The following VPS13D variants were observed in gnomAD, a reference collection of about 807,000 sequenced individuals.
The protein encoded by VPS13D is intermembrane lipid transfer protein VPS13D.
A neutral mutation model predicts 461.9 loss-of-function variants in VPS13D; 187 were observed. The ratio of observed to expected loss-of-function variants is 0.40; its 90% confidence interval spans 0.36 to 0.46. The LOEUF is 0.46. Among genes scored for constraint, VPS13D ranks in the 20% least tolerant of loss-of-function variants. The pLI, the probability that VPS13D is intolerant of heterozygous loss-of-function variation, is 0.60. For synonymous variants in VPS13D, 1,951 were observed against 1,986.3 expected (o/e 0.98, Z 0.47); for missense variants, 4,711 against 5,364.9 (o/e 0.88, Z 3.81).
intron 65 of VPS13D, among the ~76,000 whole-genome samples, chr1:12,430,531 C>T (rs1187785184): frequency 1.3e-5 from 2 of 152,218 alleles, no homozygotes; most frequent in African/African-American, 4.8e-5. Context: ...GTATGATTAT[C>T]ATTTCCCTTC....
chr1:12,506,113 G>A (rs748635927), intron 68 of VPS13D, among the ~76,000 whole-genome samples: 4 of 152,196 alleles, frequency 2.6e-5, no homozygotes, highest in African/African-American at 4.8e-5. Flanking sequence ...AAGATGCAGG[G>A]GAGGCAGCCA....
In VPS13D at chr1:12,507,052, A is replaced by C; in HGVS notation, c.12994A>C (p.Ser4332Arg). The stretch of plus-strand genomic sequence containing the variant: ...GACCAAGAAAGCCGTGAGCACGAGC[A>C]GTGGAGTGTCCATCCCCGGCCCCTC... ...QVTKKAVSTS[S>R]GVSIPGPSHQ... The change falls in exon 69 of 70, where the codon AGT becomes CGT. Residue 4332 changes from serine to arginine, a missense_variant. Ser to Arg is a moderately radical substitution (Grantham distance 110). Coordinates refer to ENST00000620676, the MANE Select transcript of VPS13D (RefSeq NM_015378.4). This position sits in a 1 kb window ranked among gnomAD's most constrained non-coding sequence, Gnocchi z 5.3. 6.2e-7 allele frequency: 1 copy of C among 1,614,264 alleles called. No homozygotes were observed. The highest frequency in any genetic ancestry group is 1.1e-5 in the South Asian group (1 of 91,088).
At chr1:12,397,044 C>T (rs1180011888) in intron 60 of VPS13D, among the ~76,000 whole-genome samples, 1 of 152,164 alleles carries the variant, frequency 6.6e-6, no homozygotes, top group Non-Finnish European at 1.5e-5. Context: ...AGTGATCCTC[C>T]AGCTTCAGCC....
intron 65 of VPS13D, among the ~76,000 whole-genome samples, chr1:12,439,123 A>G (rs1203235793): frequency 6.6e-6 from 1 of 152,166 alleles, no homozygotes; most frequent in Non-Finnish European, 1.5e-5. Context: ...TTGGTCACCC[A>G]GCCCCTCCAG....
intron 42 of VPS13D, 109 bp downstream of exon 42, chr1:12,343,160 T>A: frequency 1.1e-6 from 1 of 910,076 alleles, no homozygotes; most frequent in Middle Eastern, 4.0e-4. Context: ...TTTTATTTTA[T>A]TTTATCTTAT....
intron 63 of VPS13D, among the ~76,000 whole-genome samples, chr1:12,409,575 A>G (rs1046028211): frequency 1.3e-5 from 2 of 152,360 alleles, no homozygotes; most frequent in Middle Eastern, 3.4e-3. Context: ...TTATGTAAGG[A>G]TAAATTCCAA....
intron 52 of VPS13D, among the ~76,000 whole-genome samples, chr1:12,367,887 G>A (rs574701703): frequency 3.3e-5 from 5 of 152,114 alleles, no homozygotes; most frequent in African/African-American, 4.8e-5. Flanking sequence ...GATTACAGGC[G>A]TGAGCCACCA....
At chr1:12,375,610 G>A (rs1570038447) in intron 55 of VPS13D, among the ~76,000 whole-genome samples, 1 of 152,288 alleles carries the variant, frequency 6.6e-6, no homozygotes, top group South Asian at 2.1e-4. Context: ...CCCATGTCCT[G>A]TATGAACACC....
intron 65 of VPS13D, among the ~76,000 whole-genome samples, chr1:12,429,300 T>C (rs1008334487): frequency 1.8e-4 from 28 of 152,284 alleles, no homozygotes; most frequent in South Asian, 6.2e-4. Flanking sequence ...CTTTTTTTTT[T>C]TCTCTTTTTG....
chr1:12,270,627 A>G (rs975143670), intron 16 of VPS13D, among the ~76,000 whole-genome samples: 11 of 151,792 alleles, frequency 7.2e-5, no homozygotes, highest in Non-Finnish European at 2.9e-5. Flanking sequence ...CTCTCCCCCC[A>G]TGGCTGTCCA....
At chr1:12,376,614 T>A (rs1410289859) in intron 55 of VPS13D, among the ~76,000 whole-genome samples, 1 of 152,192 alleles carries the variant, frequency 6.6e-6, no homozygotes, top group Non-Finnish European at 1.5e-5. Context: ...GCTTGTAAAT[T>A]GTGTAGCTGG....
intron 67 of VPS13D, 91 bp from the exon 68 acceptor site, chr1:12,497,409 T>C: frequency 6.9e-7 from 1 of 1,452,262 alleles, no homozygotes; most frequent in South Asian, 1.3e-5. Flanking sequence ...GTATGTCTCG[T>C]ATTACAGAGT....
intron 61 of VPS13D, among the ~76,000 whole-genome samples, chr1:12,401,323 T>C (rs1416215932): frequency 2.0e-5 from 3 of 152,152 alleles, no homozygotes; most frequent in Non-Finnish European, 4.4e-5. Context: ...GCACACACCA[T>C]AAAGTTCATC....
chr1:12,450,332 G>A (rs749840662), intron 65 of VPS13D, among the ~76,000 whole-genome samples: 10 of 152,160 alleles, frequency 6.6e-5, no homozygotes, highest in Non-Finnish European at 1.5e-4. Context: ...ACAATAGATA[G>A]TTGGGTTTTC....
rs180960269 is a variant in VPS13D, at chr1:12,507,818, G to A, written c.13035+725G>A. ...CAGAGCTGGCTGCAGAGCCTCTTGC[G>A]GATCTGTCTCTGGCCAGTCGGCCCT... On this transcript the variant is annotated intron_variant, in intron 69 of 69. Transcript: ENST00000620676. This position sits in a 1 kb window ranked among gnomAD's most constrained non-coding sequence, Gnocchi z 5.3. 3.3e-5 allele frequency among the ~76,000 whole-genome samples: 5 copies of A among 152,346 alleles called. No homozygotes were observed. Among genetic ancestry groups the A allele is most frequent in the Admixed American group, 1.3e-4 (2 of 15,314 alleles).
chr1:12,282,538 T>G (rs538301643), intron 20 of VPS13D, among the ~76,000 whole-genome samples, 167 bp from the exon 21 acceptor site: 1 of 152,224 alleles, frequency 6.6e-6, no homozygotes, highest in East Asian at 1.9e-4. Flanking sequence ...TGAACAGAAG[T>G]GGGTCATAAA....
chr1:12,419,777 A>G (rs1192238690), intron 65 of VPS13D, among the ~76,000 whole-genome samples: 1 of 152,204 alleles, frequency 6.6e-6, no homozygotes, highest in East Asian at 1.9e-4. Flanking sequence ...ACACCATACT[A>G]TATCACATTG....
intron 12 of VPS13D, 24 bp from the exon 13 acceptor site, chr1:12,261,877 A>T (rs1016556272): frequency 2.6e-6 from 4 of 1,561,844 alleles, no homozygotes; most frequent in Non-Finnish European, 3.5e-6. Flanking sequence ...TTTTTCTTAC[A>T]GTCTTTTCTC....
chr1:12,332,888 C>A (rs1214583154), intron 37 of VPS13D, among the ~76,000 whole-genome samples: 2 of 152,194 alleles, frequency 1.3e-5, no homozygotes, highest in Admixed American at 1.3e-4. Flanking sequence ...TTTTTCCAAT[C>A]TTAGTCTGAG....
Sources: allele counts gnomAD v4.1 joint callset (sites outside exome capture counted in the v4.1 genomes callset), GRCh38; gene constraint gnomAD v4.1.1; non-coding constraint Gnocchi (gnomAD v3.1); transcripts MANE v1.5; gene names NCBI Gene and HGNC (gene_info 2026-07-23, HGNC 2026-07-21).